The following ZYG11B variants were observed in gnomAD, a reference collection of about 807,000 sequenced individuals.
ZYG11B encodes the protein protein zyg-11 homolog B.
A neutral mutation model predicts 82.4 loss-of-function variants in ZYG11B; 36 were observed. That is an observed-to-expected ratio of 0.44 (90% CI 0.33 to 0.58). The LOEUF (loss-of-function observed/expected upper bound fraction) is 0.58. Among genes scored for constraint, ZYG11B ranks in the 20% least tolerant of loss-of-function variants. The pLI, the probability that ZYG11B is intolerant of heterozygous loss-of-function variation, is 0.02. For missense variants in ZYG11B, 552 were observed against 895.6 expected (o/e 0.62, Z 4.90); for synonymous variants, 303 against 312.8 (o/e 0.97, Z 0.33).
intron 4 of ZYG11B, among the ~76,000 whole-genome samples, chr1:52,781,114 C>T (rs759550858): frequency 6.6e-6 from 1 of 152,244 alleles, no homozygotes; most frequent in South Asian, 2.1e-4. Context: ...CCAGCATGAG[C>T]AACAGAGCAA....
chr1:52,808,522 C>T (rs948509243), intron 10 of ZYG11B, among the ~76,000 whole-genome samples: 1 of 151,982 alleles, frequency 6.6e-6, no homozygotes. Context: ...AGTTTTTAGC[C>T]ATTATTTCTT....
At chr1:52,731,852 G>GTGCAACC (rs1158725923) in intron 1 of ZYG11B, among the ~76,000 whole-genome samples, 3 of 152,270 alleles carry the variant, frequency 2.0e-5, no homozygotes, top group African/African-American at 7.2e-5. Context: ...ACCCAGGCTG[G>GTGCAACC]AGTTCAGTGG....
intron 1 of ZYG11B, 23 bp downstream of exon 1, chr1:52,726,706 A>C: frequency 6.8e-7 from 1 of 1,467,436 alleles, no homozygotes; most frequent in Non-Finnish European, 9.0e-7. Flanking sequence ...GGCCTGCCCT[A>C]GCCGCAGCCG....
chr1:52,776,219 T>TAAAAAAAAAAAAAAAAAAAA, intron 3 of ZYG11B, among the ~76,000 whole-genome samples: 1 of 42,532 alleles, frequency 2.4e-5, no homozygotes, highest in African/African-American at 7.4e-5. Flanking sequence ...AACTCTGTCT[T>TAAAAAAAAAAAAAAAAAAAA]AAAAAAAAAA....
intron 6 of ZYG11B, among the ~76,000 whole-genome samples, chr1:52,790,937 ATTT>A (rs527968480): frequency 6.7e-6 from 1 of 148,920 alleles, no homozygotes; most frequent in East Asian, 2.0e-4. Context: ...TGGAGCTTAA[ATTT>A]TTTTTTTATT....
At chr1:52,753,518 C>G (rs901752156) in intron 1 of ZYG11B, among the ~76,000 whole-genome samples, 1 of 151,608 alleles carries the variant, frequency 6.6e-6, no homozygotes, top group African/African-American at 2.4e-5. Flanking sequence ...CTCCCAGGTT[C>G]AAGCAATTCT....
chr1:52,746,318 C>G (rs1558119322), intron 1 of ZYG11B, among the ~76,000 whole-genome samples: 2 of 152,136 alleles, frequency 1.3e-5, no homozygotes, highest in Admixed American at 6.6e-5. Flanking sequence ...ATCCATGGAA[C>G]ACAATCCTGC....
At chr1:52,811,935 G>A (rs1251037380) in intron 10 of ZYG11B, among the ~76,000 whole-genome samples, 3 of 152,080 alleles carry the variant, frequency 2.0e-5, no homozygotes, top group African/African-American at 7.2e-5. Flanking sequence ...GGAGGCTGAG[G>A]CGGGAGAATG....
At chr1:52,774,559 G>A (rs1460139281) in intron 3 of ZYG11B, among the ~76,000 whole-genome samples, 13 of 147,084 alleles carry the variant, frequency 8.8e-5, no homozygotes. Flanking sequence ...TGCCTGCCTC[G>A]GCCTCCTAAA....
At chr1:52,753,967 G>T (rs1644548937) in intron 1 of ZYG11B, among the ~76,000 whole-genome samples, 1 of 151,764 alleles carries the variant, frequency 6.6e-6, no homozygotes, top group African/African-American at 2.4e-5. Flanking sequence ...CTGACCTTAG[G>T]TGATCTGTCT....
At chr1:52,811,394 G>A (rs965829739) in intron 10 of ZYG11B, among the ~76,000 whole-genome samples, 2 of 152,006 alleles carry the variant, frequency 1.3e-5, no homozygotes, top group South Asian at 4.1e-4. Context: ...TATCCCACAG[G>A]TCCCAGAACT....
At position 52,771,743 on chromosome 1, in the gene ZYG11B, C is replaced by T; in HGVS notation, c.920C>T (p.Ser307Phe). 6.2e-7 allele frequency: 1 copy of T among 1,612,684 alleles called. No homozygotes were observed. The highest frequency in any genetic ancestry group is 8.5e-7 in the Non-Finnish European group (1 of 1,178,930). The part of the protein sequence containing the change: ...VGLLATDAGY[S>F]EFLTGEGHLK... ...TTGCTGGCTACTGATGCTGGTTACT[C>T]TGAATTCCTCACAGGCGAAGGACAT... Residue 307 changes from serine (S) to phenylalanine (F), a missense_variant, in exon 3 of 14, where the codon TCT (serine) becomes TTT (phenylalanine). By Grantham distance (155) the Ser-to-Phe change is radical. Coordinates refer to ENST00000294353, the MANE Select transcript of ZYG11B (RefSeq NM_024646.3). The surrounding 1 kb of genome is among the most constrained non-coding windows in gnomAD (Gnocchi z 5.4).
chr1:52,789,059 TC>T (rs1207190579), intron 5 of ZYG11B, among the ~76,000 whole-genome samples: 1 of 152,136 alleles, frequency 6.6e-6, no homozygotes, highest in Non-Finnish European at 1.5e-5. Context: ...ATATAAAACT[TC>T]CTGAGAAACC....
chr1:52,765,150 G>A (rs1347776748), intron 2 of ZYG11B, among the ~76,000 whole-genome samples: 2 of 150,428 alleles, frequency 1.3e-5, no homozygotes, highest in Non-Finnish European at 3.0e-5. Flanking sequence ...GCCTCCCAAA[G>A]TGCTAGGATT....
In ZYG11B at chr1:52,824,144, A is replaced by T. The variant is rs1237198389; in HGVS notation, c.*2515A>T. ...GGAGTGAGACTCTGGGGAAAAAAAA[A>T]ATTAAACTTCCTACTTTTTTTCTTT... is the stretch of plus-strand genomic sequence containing the variant. On this transcript the variant is annotated 3_prime_UTR_variant, in exon 14 of 14. Coordinates refer to ENST00000294353, the MANE Select transcript of ZYG11B (RefSeq NM_024646.3). 3 of 151,862 alleles carry T rather than the reference A, an allele frequency of 2.0e-5. No individual in the cohort carries two copies. Among genetic ancestry groups the T allele is most frequent in the African/African-American group, 7.3e-5 (3 of 41,338 alleles). The allele number at this position is 151,862 out of a possible 1,614,324, so 9.4% of individuals were successfully genotyped here.
intron 4 of ZYG11B, among the ~76,000 whole-genome samples, chr1:52,782,151 G>C (rs1023042609): frequency 6.6e-6 from 1 of 151,232 alleles, no homozygotes; most frequent in Admixed American, 6.6e-5. Flanking sequence ...CTGCAGCCTC[G>C]ACCTCCCTCC....
Position 52,802,131 on chromosome 1 carries a change from G to T in ZYG11B, c.1687G>T (p.Gly563Ter). The T allele has an allele frequency of 1.9e-6, 3 of 1,610,570 alleles. No homozygotes were observed. Among genetic ancestry groups the T allele is most frequent in the Non-Finnish European group, 2.5e-6 (3 of 1,179,080 alleles). The change falls in exon 10 of 14, where the codon GGA (glycine) becomes TGA (stop). Residue 563 changes from glycine to a stop codon, truncating the protein, a stop_gained. Coordinates refer to ENST00000294353, the MANE Select transcript of ZYG11B (RefSeq NM_024646.3). LOFTEE classifies it high-confidence loss of function. ...TESSIQQKVL[G>*]LLNNIAEVQE... Reference sequence around the variant, plus strand: ...GTCATCCATTCAGCAGAAAGTTCTAGGACTTTTGGTAAGATATAAGCACTT... The same window carrying T: ...GTCATCCATTCAGCAGAAAGTTCTATGACTTTTGGTAAGATATAAGCACTT...
intron 10 of ZYG11B, among the ~76,000 whole-genome samples, chr1:52,803,215 T>C (rs1167213680): frequency 1.2e-5 from 1 of 81,000 alleles, no homozygotes; most frequent in African/African-American, 9.4e-5. Context: ...CACACACATA[T>C]ATATATATAC....
At chr1:52,782,911 G>A (rs562581503) in intron 4 of ZYG11B, among the ~76,000 whole-genome samples, 11 of 148,634 alleles carry the variant, frequency 7.4e-5, no homozygotes, top group Admixed American at 4.1e-4. Flanking sequence ...ATGAGCCACT[G>A]CACCTAGCCT....
Sources: gnomAD v4.1 joint callset for allele counts (sites outside exome capture counted in the v4.1 genomes callset) on GRCh38, gnomAD v4.1.1 for gene constraint, Gnocchi (gnomAD v3.1) non-coding constraint, MANE v1.5 for transcripts, NCBI Gene and HGNC (gene_info 2026-07-23, HGNC 2026-07-21) for gene names.